Variants in BABAM2 observed in about 807,000 individuals in gnomAD.
BABAM2 encodes the protein BRISC and BRCA1 A complex member 2.
A neutral mutation model predicts 54.7 loss-of-function variants in BABAM2; 31 were observed. That is an observed-to-expected ratio of 0.57 (90% CI 0.43 to 0.77). The LOEUF is 0.77. BABAM2 is among the 30% of genes least tolerant of loss of function. The pLI, the probability that BABAM2 is intolerant of heterozygous loss-of-function variation, is 0.00. For synonymous variants in BABAM2, 167 were observed against 162.9 expected, an observed-to-expected ratio of 1.03 and a Z score of -0.19; for missense variants, 364 against 455.8, an observed-to-expected ratio of 0.80 and a Z score of 1.83.
At position 28,050,116 on chromosome 2, in the gene BABAM2, A is replaced by G. The variant is rs955693866; in HGVS notation, c.570+4317A>G. ...CTATACAGCTACAGAGTTGTTTTCC[A>G]TTTGATAATTTGGGACTGGTGTTGC... On this transcript the variant is annotated intron_variant, in intron 6 of 11. Transcript: ENST00000379624. Among the ~76,000 whole-genome samples, 12 of 152,336 alleles carry G rather than the reference A, an allele frequency of 7.9e-5. No individual in the cohort carries two copies. The South Asian group carries it at 1.4e-3, about 18-fold the overall frequency.
At chr2:28,069,053 A>C (rs183006561) in intron 6 of BABAM2, among the ~76,000 whole-genome samples, 1 of 152,206 alleles carries the variant, frequency 6.6e-6, no homozygotes, top group Admixed American at 6.5e-5. Context: ...GTATATTTAC[A>C]TATCAGTGAG....
At chr2:28,000,996 AC>A (rs1673540358) in intron 4 of BABAM2, among the ~76,000 whole-genome samples, 1 of 151,992 alleles carries the variant, frequency 6.6e-6, no homozygotes, top group South Asian at 2.1e-4. Flanking sequence ...TCTCCAAGGA[AC>A]CCTTGTCCTT....
At chr2:27,956,198 T>A (rs1175852223) in intron 3 of BABAM2, among the ~76,000 whole-genome samples, 1 of 152,144 alleles carries the variant, frequency 6.6e-6, no homozygotes, top group African/African-American at 2.4e-5. Context: ...TTAATGTAGC[T>A]CTTGGTTTCT....
chr2:28,166,958 T>C (rs1377610284), intron 7 of BABAM2, among the ~76,000 whole-genome samples: 3 of 152,184 alleles, frequency 2.0e-5, no homozygotes, highest in Non-Finnish European at 4.4e-5. Context: ...AATTTAGGAT[T>C]AGGGACTTGG....
At chr2:28,251,958 A>C (rs1179112118) in intron 10 of BABAM2, among the ~76,000 whole-genome samples, 2 of 152,166 alleles carry the variant, frequency 1.3e-5, no homozygotes, top group Admixed American at 1.3e-4. Flanking sequence ...GGGGAGGCCA[A>C]GGTGGGTAGA....
intron 3 of BABAM2, among the ~76,000 whole-genome samples, chr2:27,952,857 A>G (rs1669837400): frequency 6.6e-6 from 1 of 152,234 alleles, no homozygotes; most frequent in East Asian, 1.9e-4. Context: ...TTCTTCATAG[A>G]ATAATTCTTT....
chr2:28,304,445 A>G lies in BABAM2; in HGVS notation c.1088+5954A>G, dbSNP rs1222032330. Among the ~76,000 whole-genome samples the G allele has an allele frequency of 3.3e-5, 5 of 150,966 alleles. No homozygotes were observed. The highest frequency in any genetic ancestry group is 5.9e-5 in the Non-Finnish European group (4 of 67,764). On this transcript the variant is annotated intron_variant, in intron 11 of 11. Coordinates refer to ENST00000379624, the MANE Select transcript of BABAM2 (RefSeq NM_199191.3). This position sits in a 1 kb window ranked among gnomAD's most constrained non-coding sequence, Gnocchi z 4.0. Reference sequence around the variant, plus strand: ...ATATAAACAAAATTTTTAAAAATTTATTTTCTAGTTTGTTGCTGGTATACA... The same window carrying G: ...ATATAAACAAAATTTTTAAAAATTTGTTTTCTAGTTTGTTGCTGGTATACA...
At chr2:28,169,201 A>G (rs1299345105) in intron 7 of BABAM2, among the ~76,000 whole-genome samples, 1 of 152,232 alleles carries the variant, frequency 6.6e-6, no homozygotes, top group African/African-American at 2.4e-5. Context: ...CCTGAAACAT[A>G]CTACTTTAAT....
At chr2:28,211,873 C>T (rs955282818) in intron 7 of BABAM2, among the ~76,000 whole-genome samples, 1 of 152,172 alleles carries the variant, frequency 6.6e-6, no homozygotes, top group African/African-American at 2.4e-5. Context: ...TTCTTTACTG[C>T]CATTTAACTC....
intron 4 of BABAM2, among the ~76,000 whole-genome samples, chr2:28,001,757 G>C (rs1262965678): frequency 1.3e-5 from 2 of 152,014 alleles, no homozygotes; most frequent in South Asian, 2.1e-4. Context: ...AGAGAGAGAG[G>C]AGGGGGGTGC....
At chr2:28,099,455 C>T (rs17006518) in intron 6 of BABAM2, among the ~76,000 whole-genome samples, 2,743 of 152,222 alleles carry the variant, frequency 0.018, 85 homozygotes, top group African/African-American at 0.062. Context: ...GTTGCATTAA[C>T]GATATGATTT....
chr2:28,025,208 T>A lies in BABAM2; in HGVS notation c.301-18T>A. The A allele has an allele frequency of 6.4e-7, 1 of 1,562,928 alleles. No homozygotes were observed. Among genetic ancestry groups the A allele is most frequent in the Non-Finnish European group, 8.6e-7 (1 of 1,160,200 alleles). ...ATTTCAGTTTTAACTGGTCTTTTAT[T>A]TGTTACGACTTCTACAGAATCTTGC... is the stretch of plus-strand genomic sequence containing the variant. On this transcript the variant is annotated intron_variant, in intron 4 of 11. Coordinates refer to ENST00000379624, the MANE Select transcript of BABAM2 (RefSeq NM_199191.3).
At chr2:28,180,338 C>T (rs1043118935) in intron 7 of BABAM2, among the ~76,000 whole-genome samples, 6 of 151,956 alleles carry the variant, frequency 3.9e-5, no homozygotes, top group African/African-American at 1.5e-4. Flanking sequence ...TGGTTTTTGA[C>T]AATGCCACCA....
intron 7 of BABAM2, among the ~76,000 whole-genome samples, chr2:28,165,035 A>G (rs554073340): frequency 2.2e-4 from 34 of 152,300 alleles, no homozygotes; most frequent in Admixed American, 2.2e-3. Context: ...TTCATTCAAG[A>G]AATATTTGTT....
chr2:28,295,042 A>T (rs1282029774), intron 10 of BABAM2, among the ~76,000 whole-genome samples: 1 of 152,214 alleles, frequency 6.6e-6, no homozygotes, highest in Non-Finnish European at 1.5e-5. Flanking sequence ...AGAACAACTC[A>T]CTTGCCCAGG....
intron 4 of BABAM2, among the ~76,000 whole-genome samples, chr2:28,018,028 G>T (rs943920545): frequency 1.3e-5 from 2 of 152,154 alleles, no homozygotes; most frequent in Non-Finnish European, 2.9e-5. Context: ...TTGGGAAACA[G>T]GTGGTGTTTG....
At chr2:27,889,437 T>C (rs760873779), upstream of BABAM2, among the ~76,000 whole-genome samples, 3 of 152,190 alleles carry the variant, frequency 2.0e-5, no homozygotes, top group East Asian at 1.9e-4. Context: ...ACTGCAGTAA[T>C]TGGAGTGGTA....
At chr2:28,165,473 T>C (rs974843773) in intron 7 of BABAM2, among the ~76,000 whole-genome samples, 3 of 150,370 alleles carry the variant, frequency 2.0e-5, no homozygotes, top group Admixed American at 2.0e-4. Flanking sequence ...ATCTGGAGTA[T>C]GTCTTAGAGA....
intron 6 of BABAM2, among the ~76,000 whole-genome samples, chr2:28,087,430 T>C (rs1035058949): frequency 5.3e-5 from 8 of 152,082 alleles, no homozygotes; most frequent in African/African-American, 1.9e-4. Context: ...AGCACTTGCT[T>C]ACCTGAGGCA....
Sources: allele counts gnomAD v4.1 joint callset (sites outside exome capture counted in the v4.1 genomes callset), GRCh38; gene constraint gnomAD v4.1.1; non-coding constraint Gnocchi (gnomAD v3.1); transcripts MANE v1.5; gene names NCBI Gene and HGNC (gene_info 2026-07-23, HGNC 2026-07-21).